Variants in UNC5C observed in about 807,000 individuals in gnomAD.
The protein encoded by UNC5C is netrin receptor UNC5C.
UNC5C carries 47 observed loss-of-function variants against 99.8 expected under a neutral mutation model. The ratio of observed to expected loss-of-function variants is 0.47; its 90% CI spans 0.37 to 0.60. The LOEUF (loss-of-function observed/expected upper bound fraction) is 0.60. Ranked by LOEUF, UNC5C falls within the 20% of genes least tolerant of loss-of-function variation. UNC5C has a pLI of 0.00. For missense variants in UNC5C, 1,062 were observed against 1,165.9 expected, an observed-to-expected ratio of 0.91 and a Z score of 1.30; for synonymous variants, 487 against 452.2, an observed-to-expected ratio of 1.08 and a Z score of -0.98.
At chr4:95,432,196 C>T (rs553120555) in intron 1 of UNC5C, among the ~76,000 whole-genome samples, 7 of 152,136 alleles carry the variant, frequency 4.6e-5, no homozygotes, top group African/African-American at 1.4e-4. Context: ...AATGGTGCTA[C>T]GGTAAAAGGA....
intron 2 of UNC5C, 86 bp from the exon 3 acceptor site, chr4:95,301,835 C>A: frequency 1.3e-6 from 2 of 1,499,992 alleles, no homozygotes; most frequent in South Asian, 2.5e-5. Flanking sequence ...TTCCCCCAGT[C>A]ATCCCTTTTG....
At chr4:95,400,355 G>C (rs1012615105) in intron 1 of UNC5C, among the ~76,000 whole-genome samples, 1 of 144,002 alleles carries the variant, frequency 6.9e-6, no homozygotes, top group Non-Finnish European at 1.5e-5. Context: ...AATGTGGCCC[G>C]TAGTTCCACA....
chr4:95,343,612 G>A (rs578214138), intron 1 of UNC5C, among the ~76,000 whole-genome samples: 1 of 152,184 alleles, frequency 6.6e-6, no homozygotes, highest in East Asian at 1.9e-4. Context: ...ACTGGCCAAT[G>A]CTGGAGAGAG....
At chr4:95,462,806 G>C (rs1020765260) in intron 1 of UNC5C, among the ~76,000 whole-genome samples, 10 of 152,150 alleles carry the variant, frequency 6.6e-5, no homozygotes, top group Non-Finnish European at 1.5e-4. Context: ...AGAATACTAA[G>C]TGTACTAGTA....
chr4:95,490,423 C>A lies in UNC5C; in HGVS notation c.124+58311G>T, dbSNP rs553835127. On this transcript the variant is annotated intron_variant, in intron 1 of 15. Transcript: ENST00000453304. Reference sequence around the variant, plus strand: ...GAACTTTTAATTAATATATAAAAAACCCCTATGTTAATTTATTCTAATCAC... The same window carrying A: ...GAACTTTTAATTAATATATAAAAAAACCCTATGTTAATTTATTCTAATCAC... Among the ~76,000 whole-genome samples, 58 of 151,690 alleles carry A rather than the reference C, an allele frequency of 3.8e-4. 1 individual carries two copies. Among genetic ancestry groups the A allele is most frequent in the African/African-American group, 1.4e-3 (57 of 41,450 alleles).
At chr4:95,447,324 A>T (rs1747134264) in intron 1 of UNC5C, among the ~76,000 whole-genome samples, 1 of 152,210 alleles carries the variant, frequency 6.6e-6, no homozygotes, top group Admixed American at 6.5e-5. Flanking sequence ...TATGTATCAC[A>T]CATTTTGCTT....
At chr4:95,189,426 C>T (rs1560721813) in intron 12 of UNC5C, among the ~76,000 whole-genome samples, 1 of 152,206 alleles carries the variant, frequency 6.6e-6, no homozygotes, top group Non-Finnish European at 1.5e-5. Context: ...GCTGGGACTA[C>T]AGGCTCATGC....
chr4:95,198,491 T>C (rs1217228511), intron 12 of UNC5C, among the ~76,000 whole-genome samples: 6 of 152,090 alleles, frequency 3.9e-5, no homozygotes, highest in Admixed American at 1.3e-4. Context: ...GCTACTAGAA[T>C]AAGTTTGGGC....
At chr4:95,270,096 C>T (rs866036050) in intron 4 of UNC5C, among the ~76,000 whole-genome samples, 8 of 152,082 alleles carry the variant, frequency 5.3e-5, no homozygotes, top group Admixed American at 3.3e-4. Flanking sequence ...CTAATTGCTC[C>T]GGAGTTTGAA....
At chr4:95,209,985 G>A (rs911111905) in intron 10 of UNC5C, among the ~76,000 whole-genome samples, 3 of 152,162 alleles carry the variant, frequency 2.0e-5, no homozygotes, top group Admixed American at 6.5e-5. Context: ...TATAGTTGGG[G>A]ATTGGAGACA....
chr4:95,415,419 C>G (rs1746132987), intron 1 of UNC5C, among the ~76,000 whole-genome samples: 1 of 151,742 alleles, frequency 6.6e-6, no homozygotes, highest in African/African-American at 2.4e-5. Context: ...AACCAAATCT[C>G]AGAGGAGGGA....
intron 1 of UNC5C, among the ~76,000 whole-genome samples, chr4:95,356,226 A>AAAAAAC (rs1371053400): frequency 0.023 from 3,379 of 144,392 alleles, 51 homozygotes; most frequent in Non-Finnish European, 0.038. Flanking sequence ...AACAAAAAAA[A>AAAAAAC]AACAGATTCC....
intron 1 of UNC5C, among the ~76,000 whole-genome samples, chr4:95,351,405 C>T (rs1442003307): frequency 6.6e-6 from 1 of 151,068 alleles, no homozygotes; most frequent in Non-Finnish European, 1.5e-5. Flanking sequence ...ATAGGAATTA[C>T]TCTATTAATC....
chr4:95,180,820 G>A (rs1482838245), intron 14 of UNC5C, among the ~76,000 whole-genome samples: 4 of 152,180 alleles, frequency 2.6e-5, no homozygotes, highest in African/African-American at 9.7e-5. Context: ...CAGCCTCATT[G>A]CCATCTTGCC....
Position 95,185,186 on chromosome 4 carries a change from T to C in UNC5C, c.2147A>G (p.His716Arg). The C allele has an allele frequency of 6.2e-7, 1 of 1,607,010 alleles. No homozygotes were observed. The highest frequency in any genetic ancestry group is 1.1e-5 in the South Asian group (1 of 89,772). The stretch of plus-strand genomic sequence containing the variant: ...CTGTCCTCCCATCTGTCTCTCAAGA[T>C]GTAAAATTTCCTATAATGACATGCC... ...DTQDALKEIL[H>R]LERQMGGQLL... Residue 716 changes from histidine (H) to arginine (R), a missense_variant, in exon 13 of 16, where the codon CAT becomes CGT. Transcript: ENST00000453304.
intron 5 of UNC5C, chr4:95,248,526 A>G (rs540951385): frequency 1.3e-5 from 6 of 456,004 alleles, no homozygotes; most frequent in African/African-American, 1.2e-4. Flanking sequence ...CTTCTGGTAT[A>G]GGGAAGCCAT....
Position 95,219,371 on chromosome 4 carries a change from T to C in UNC5C, c.1301-58A>G, listed in dbSNP as rs371609708. 938 of 1,512,762 alleles carry C rather than the reference T, an allele frequency of 6.2e-4. 4 individuals are homozygous for C. Among genetic ancestry groups the C allele is most frequent in the Middle Eastern group, 4.9e-3 (23 of 4,716 alleles). 93.7% of individuals were successfully genotyped at this position (1,512,762 alleles called of 1,614,324 possible). A position where few individuals can be genotyped will look rare whatever the true frequency, so the allele number is the denominator to read the frequency against. ...ATTCTCCATTCAGGCCAACCTACAT[T>C]AGTCAGACTCCCCCTCACACTTTCT... On this transcript the variant is annotated intron_variant, in intron 8 of 15. Transcript: ENST00000453304.
chr4:95,183,732 G>GAGAGC (rs1179373160), intron 13 of UNC5C, among the ~76,000 whole-genome samples: 3 of 152,170 alleles, frequency 2.0e-5, no homozygotes, highest in Non-Finnish European at 2.9e-5. Context: ...TAAAAAATGG[G>GAGAGC]AGAGCATGGC....
At chr4:95,269,530 C>T (rs2149390276) in intron 4 of UNC5C, among the ~76,000 whole-genome samples, 1 of 151,098 alleles carries the variant, frequency 6.6e-6, no homozygotes, top group African/African-American at 2.5e-5. Context: ...TCGAGTGATC[C>T]TACTGCCTTG....
Sources: allele counts gnomAD v4.1 joint callset (sites outside exome capture counted in the v4.1 genomes callset), GRCh38; gene constraint gnomAD v4.1.1; transcripts MANE v1.5; gene names NCBI Gene and HGNC (gene_info 2026-07-23, HGNC 2026-07-21).